The following SPTSSB variants were observed in gnomAD, a reference collection of about 807,000 sequenced individuals.
SPTSSB encodes the protein androgen down regulated in mouse prostate.
In SPTSSB, 6 loss-of-function variants were observed where a neutral mutation model predicts 7.7. The ratio of observed to expected loss-of-function variants is 0.78; its 90% CI spans 0.43 to 1.54. SPTSSB has a LOEUF of 1.54. Among genes scored for constraint, SPTSSB ranks in the 40% most tolerant of loss-of-function variants. The pLI is 0.01. For synonymous variants in SPTSSB, 28 were observed against 29.7 expected, an observed-to-expected ratio of 0.94 and a Z score of 0.19; for missense variants, 91 against 93.0, an observed-to-expected ratio of 0.98 and a Z score of 0.09.
chr3:161,345,924 A>C lies in SPTSSB; in HGVS notation c.*169T>G, dbSNP rs1373572072. ...CAATGTAGCATGTGCAAAAGAAACT[A>C]AAGAGACATGTATTTCAAACTCCAG... On this transcript the variant is annotated 3_prime_UTR_variant, in exon 3 of 3. Coordinates refer to ENST00000620149, the MANE Select transcript of SPTSSB (RefSeq NM_001040100.2). The C allele has an allele frequency of 2.7e-5, 15 of 557,448 alleles. No homozygotes were observed. Among genetic ancestry groups the C allele is most frequent in the Non-Finnish European group, 4.8e-5 (15 of 311,176 alleles). 34.5% of individuals were successfully genotyped at this position (557,448 alleles called of 1,614,324 possible).
At position 161,369,244 on chromosome 3, in the gene SPTSSB, CTCTT is replaced by C. The variant is rs377026665; in HGVS notation, c.-126+2187_-126+2190del. 2.8e-3 allele frequency among the ~76,000 whole-genome samples: 431 copies of C among 151,264 alleles called. 1 individual carries two copies. Among genetic ancestry groups the C allele is most frequent in the African/African-American group, 8.7e-3 (358 of 41,114 alleles). On this transcript the variant is annotated intron_variant, in intron 1 of 2. Transcript: ENST00000620149. ...CATCTTCTCTAACACTTGCTATTAT[CTCTT>C]TCTTTCTTTCTTTCTCTTTCTTTTT...
intron 1 of SPTSSB, among the ~76,000 whole-genome samples, chr3:161,366,820 T>C (rs1473637206): frequency 6.6e-6 from 1 of 152,220 alleles, no homozygotes; most frequent in Non-Finnish European, 1.5e-5. Flanking sequence ...TTAATCCTGA[T>C]GAAAGCAATA....
At chr3:161,365,139 G>C (rs531323518) in intron 1 of SPTSSB, among the ~76,000 whole-genome samples, 2 of 152,254 alleles carry the variant, frequency 1.3e-5, no homozygotes, top group South Asian at 4.2e-4. Context: ...TTATGTTTCG[G>C]AAGTTTGATA....
intron 1 of SPTSSB, among the ~76,000 whole-genome samples, chr3:161,368,489 G>C (rs1021838987): frequency 2.7e-5 from 4 of 150,748 alleles, no homozygotes; most frequent in South Asian, 2.1e-4. Flanking sequence ...TGCAGTGGCG[G>C]GATCTCGGCT....
chr3:161,354,752 T>C (rs1369348737), intron 2 of SPTSSB, among the ~76,000 whole-genome samples: 10 of 152,250 alleles, frequency 6.6e-5, no homozygotes, highest in Non-Finnish European at 5.9e-5. Flanking sequence ...TTGTGCAACA[T>C]GGCATGTGTT....
At chr3:161,369,314 C>CTTTCTCTTTCTTTCTT (rs1278233391) in intron 1 of SPTSSB, among the ~76,000 whole-genome samples, 83 of 65,716 alleles carry the variant, frequency 1.3e-3, no homozygotes, top group African/African-American at 5.9e-3. Flanking sequence ...TTCTTTCTTT[C>CTTTCTCTTTCTTTCTT]TCTTTCTTTC....
At chr3:161,364,858 A>T (rs1012032434) in intron 1 of SPTSSB, among the ~76,000 whole-genome samples, 2 of 152,094 alleles carry the variant, frequency 1.3e-5, no homozygotes, top group Admixed American at 6.6e-5. Flanking sequence ...TGCTTTGGGC[A>T]TGACATCTTG....
chr3:161,359,819 T>C lies in SPTSSB; in HGVS notation c.-50A>G, dbSNP rs1410765767. The C allele has an allele frequency of 1.0e-6, 1 of 985,194 alleles. No individual in the cohort carries two copies. The highest frequency in any genetic ancestry group is 6.2e-5 in the Admixed American group (1 of 16,260). The allele number at this position is 985,194 out of a possible 1,614,324, so 61.0% of individuals were successfully genotyped here. ...TTACTTGCCTAAGAAAGTCCAGGTC[T>C]GGTTCTTCAGCCTTGCTCCTTCACG... On this transcript the variant is annotated 5_prime_UTR_variant, in exon 2 of 3. Coordinates refer to ENST00000620149, the MANE Select transcript of SPTSSB (RefSeq NM_001040100.2).
At chr3:161,347,131 C>T (rs539638786) in intron 2 of SPTSSB, among the ~76,000 whole-genome samples, 24 of 152,240 alleles carry the variant, frequency 1.6e-4, no homozygotes, top group African/African-American at 5.5e-4. Flanking sequence ...TAGGGCATTA[C>T]TGTTTCAGAA....
At chr3:161,354,542 T>C (rs1159774502) in intron 2 of SPTSSB, among the ~76,000 whole-genome samples, 2 of 152,208 alleles carry the variant, frequency 1.3e-5, no homozygotes, top group Non-Finnish European at 2.9e-5. Flanking sequence ...GGCCAGGTTG[T>C]ACTTTGTTGC....
intron 1 of SPTSSB, among the ~76,000 whole-genome samples, chr3:161,363,050 T>C (rs1336732752): frequency 6.6e-6 from 1 of 151,946 alleles, no homozygotes; most frequent in African/African-American, 2.4e-5. Flanking sequence ...GTGTCAATTA[T>C]GTTCTTAAGA....
rs538416434 is a variant in SPTSSB at position 161,365,181 on chromosome 3, A to T, written c.-125-5287T>A. 2.4e-4 allele frequency among the ~76,000 whole-genome samples: 36 copies of T among 152,364 alleles called. No homozygotes were observed. The South Asian group carries it at 4.1e-3, about 18-fold the overall frequency. Reference sequence around the variant, plus strand: ...TTATATGAATTACTTTATGCAGCTCACTTAACAACAATATAAGAGATGCAC... The same window carrying T: ...TTATATGAATTACTTTATGCAGCTCTCTTAACAACAATATAAGAGATGCAC... On this transcript the variant is annotated intron_variant, in intron 1 of 2. Transcript: ENST00000620149.
rs981358550 is a variant in SPTSSB, at chr3:161,352,866, G to C, written c.-32-6511C>G. Reference sequence around the variant, plus strand: ...TTTCTTATAATGTTAAAAGTTCATGGACTCTGCAGGGGAATAAGAAAGACT... The same window carrying C: ...TTTCTTATAATGTTAAAAGTTCATGCACTCTGCAGGGGAATAAGAAAGACT... On this transcript the variant is annotated intron_variant, in intron 2 of 2. Transcript: ENST00000620149. 2.0e-5 allele frequency among the ~76,000 whole-genome samples: 3 copies of C among 152,066 alleles called. No homozygotes were observed. The South Asian group carries it at 6.2e-4, about 32-fold the overall frequency.
Position 161,346,071 on chromosome 3 carries a change from A to G in SPTSSB, c.*22T>C, listed in dbSNP as rs1714209543. 5 of 1,217,626 alleles carry G rather than the reference A, an allele frequency of 4.1e-6. No individual in the cohort carries two copies. The East Asian group carries it at 9.3e-5, about 23-fold the overall frequency. The allele number at this position is 1,217,626 out of a possible 1,614,324, so 75.4% of individuals were successfully genotyped here. On this transcript the variant is annotated 3_prime_UTR_variant, in exon 3 of 3. Coordinates refer to ENST00000620149, the MANE Select transcript of SPTSSB (RefSeq NM_001040100.2). ...AAGCAACATATAAATATGCAATGCC[A>G]TTTCACTGAATGTGAACAGGATCAA... is the stretch of plus-strand genomic sequence containing the variant.
At chr3:161,368,460 T>G (rs921707188) in intron 1 of SPTSSB, among the ~76,000 whole-genome samples, 1 of 149,758 alleles carries the variant, frequency 6.7e-6, no homozygotes, top group African/African-American at 2.5e-5. Context: ...GGAGTCTCGC[T>G]CTGTCGCCCA....
chr3:161,371,367 T>C, intron 1 of SPTSSB, 68 bp downstream of exon 1: 1 of 963,402 alleles, frequency 1.0e-6, no homozygotes, highest in Non-Finnish European at 1.2e-6. Context: ...TTTCCTCCTA[T>C]AGAGACAGGA....
intron 1 of SPTSSB, among the ~76,000 whole-genome samples, chr3:161,367,459 G>A (rs1317901791): frequency 6.6e-6 from 1 of 152,190 alleles, no homozygotes; most frequent in Non-Finnish European, 1.5e-5. Flanking sequence ...TAACTGTCTG[G>A]CAGCAAGGCT....
intron 2 of SPTSSB, among the ~76,000 whole-genome samples, chr3:161,346,660 G>A (rs1468048277): frequency 2.0e-5 from 3 of 152,056 alleles, no homozygotes; most frequent in Non-Finnish European, 2.9e-5. Context: ...AAAAATTGAG[G>A]TTAGCCTCAT....
intron 2 of SPTSSB, among the ~76,000 whole-genome samples, chr3:161,347,261 T>A (rs1354081177): frequency 2.2e-4 from 33 of 152,078 alleles, no homozygotes. Context: ...TGGCTATTTA[T>A]TTATTTATTT....
Sources: allele counts gnomAD v4.1 joint callset (sites outside exome capture counted in the v4.1 genomes callset), GRCh38; gene constraint gnomAD v4.1.1; transcripts MANE v1.5; gene names NCBI Gene and HGNC (gene_info 2026-07-23, HGNC 2026-07-21).